Variants in C1QTNF1 observed in about 807,000 individuals in gnomAD.
The protein encoded by C1QTNF1 is C1q and TNF related 1, also known as complement C1q tumor necrosis factor-related protein 1.
In C1QTNF1, 22 loss-of-function variants were observed where a neutral mutation model predicts 27.8. The observed-to-expected ratio is 0.79, with a 90% CI of 0.56 to 1.13. The LOEUF is 1.13. C1QTNF1 is among the 50% of genes most tolerant of loss of function. The pLI, the probability that C1QTNF1 is intolerant of heterozygous loss-of-function variation, is 0.00. For synonymous variants in C1QTNF1, 166 were observed against 154.3 expected (o/e 1.08, Z -0.56); for missense variants, 373 against 380.2 (o/e 0.98, Z 0.16).
intron 1 of C1QTNF1, among the ~76,000 whole-genome samples, chr17:79,036,617 A>G (rs1744847424): frequency 6.6e-6 from 1 of 152,228 alleles, no homozygotes; most frequent in Admixed American, 6.5e-5. Context: ...CAGTTCTAGA[A>G]TGTTACCCAC....
intron 1 of C1QTNF1, among the ~76,000 whole-genome samples, chr17:79,038,198 C>G (rs1429763337): frequency 6.6e-6 from 1 of 152,070 alleles, no homozygotes; most frequent in African/African-American, 2.4e-5. Context: ...CCATGTTGGC[C>G]AGGCTGGTCT....
intron 1 of C1QTNF1, among the ~76,000 whole-genome samples, chr17:79,036,253 C>T (rs1281157883): frequency 6.6e-6 from 1 of 152,228 alleles, no homozygotes. Context: ...TGGCTCACTG[C>T]AGCCTCAACC....
chr17:79,033,063 T>A (rs2018872), intron 1 of C1QTNF1, among the ~76,000 whole-genome samples: 1 of 142,992 alleles, frequency 7.0e-6, no homozygotes, highest in Non-Finnish European at 1.5e-5. Context: ...AGCAAAACTC[T>A]GTCTCAAAAA....
chr17:79,037,345 G>A, intron 1 of C1QTNF1, among the ~76,000 whole-genome samples: 1 of 152,128 alleles, frequency 6.6e-6, no homozygotes, highest in Non-Finnish European at 1.5e-5. Flanking sequence ...GGCTAGGATG[G>A]TCTCCAATCT....
At position 79,047,979 on chromosome 17, in the gene C1QTNF1, T is replaced by C. The variant is rs2072643042; in HGVS notation, c.737T>C (p.Val246Ala). 1.2e-6 allele frequency: 2 copies of C among 1,613,366 alleles called. No homozygotes were observed. Among genetic ancestry groups the C allele is most frequent in the Non-Finnish European group, 1.7e-6 (2 of 1,179,988 alleles). ...LMLELREQDQVWVRLYKGERE... is the reference protein window; with the variant it reads ...LMLELREQDQAWVRLYKGERE... ...CTGGAGCTGCGAGAGCAGGACCAGG[T>C]GTGGGTACGCCTCTACAAGGGCGAA... The change falls in exon 4 of 4, where the codon GTG (valine) becomes GCG (alanine). Residue 246 changes from valine (V) to alanine (A), a missense_variant. Physicochemically the swap from Val to Ala is moderately conservative, Grantham distance 64. Transcript: ENST00000579760.
intron 1 of C1QTNF1, among the ~76,000 whole-genome samples, chr17:79,042,304 C>T (rs930302337): frequency 2.6e-5 from 4 of 152,242 alleles, no homozygotes; most frequent in African/African-American, 9.6e-5. Context: ...GGCAGGTGGG[C>T]GTTCGCCTAA....
intron 1 of C1QTNF1, among the ~76,000 whole-genome samples, chr17:79,041,230 C>A (rs1416613134): frequency 7.2e-5 from 11 of 152,106 alleles, no homozygotes; most frequent in African/African-American, 2.7e-4. Context: ...ATGGGAGGGA[C>A]AGCTGGCTGG....
At chr17:79,043,623 ATGTG>A (rs879083514) in intron 1 of C1QTNF1, 2 of 469,840 alleles carry the variant, frequency 4.3e-6, no homozygotes, top group Non-Finnish European at 8.4e-6. Context: ...GTGCATGTGA[ATGTG>A]TGGGTTGCAT....
At chr17:79,043,884 A>G (rs554121630) in intron 1 of C1QTNF1, 71 bp from the exon 2 acceptor site, 268 of 1,571,802 alleles carry the variant, frequency 1.7e-4, no homozygotes, top group Non-Finnish European at 2.1e-4. Context: ...TCTCTCCCCA[A>G]TTTTCAGGCT....
At chr17:79,035,303 C>T (rs534411203) in intron 1 of C1QTNF1, among the ~76,000 whole-genome samples, 19 of 152,152 alleles carry the variant, frequency 1.2e-4, no homozygotes, top group African/African-American at 3.4e-4. Context: ...CTCAGGGCTT[C>T]TCTTCTGGTT....
chr17:79,031,566 C>T (rs897535524), intron 1 of C1QTNF1, among the ~76,000 whole-genome samples: 5 of 152,226 alleles, frequency 3.3e-5, no homozygotes, highest in African/African-American at 1.2e-4. Flanking sequence ...CCTGCCTCAG[C>T]CTCCCGAGTA....
chr17:79,036,586 C>T (rs2072269827), intron 1 of C1QTNF1, among the ~76,000 whole-genome samples: 1 of 152,192 alleles, frequency 6.6e-6, no homozygotes, highest in South Asian at 2.1e-4. Flanking sequence ...CCACACATAA[C>T]AGCCACTGTA....
chr17:79,032,271 G>A lies in C1QTNF1; in HGVS notation c.-15+7777G>A, dbSNP rs556905341. 2.4e-4 allele frequency among the ~76,000 whole-genome samples: 36 copies of A among 152,296 alleles called. 1 individual carries two copies. In the South Asian group the frequency reaches 7.0e-3, roughly 30 times the overall value. On this transcript the variant is annotated intron_variant, in intron 1 of 3. Coordinates refer to ENST00000579760, the MANE Select transcript of C1QTNF1 (RefSeq NM_030968.5). ...CTCTGGAGAATACACGGATGGAGAA[G>A]GTGGAGGAGAAACAGGCATCCAGAC...
chr17:79,037,770 G>T (rs1200304927), intron 1 of C1QTNF1, among the ~76,000 whole-genome samples: 1 of 152,062 alleles, frequency 6.6e-6, no homozygotes, highest in African/African-American at 2.4e-5. Flanking sequence ...CTGGACTCAG[G>T]TGATCCTCCT....
chr17:79,028,972 G>A (rs138819826), intron 1 of C1QTNF1, among the ~76,000 whole-genome samples: 1 of 152,074 alleles, frequency 6.6e-6, no homozygotes, highest in Non-Finnish European at 1.5e-5. Flanking sequence ...TTAAACTCCG[G>A]TGGTGTATTT....
chr17:79,029,106 G>A (rs1454456119), intron 1 of C1QTNF1, among the ~76,000 whole-genome samples: 1 of 152,144 alleles, frequency 6.6e-6, no homozygotes, highest in East Asian at 1.9e-4. Flanking sequence ...ATCCTCTGTT[G>A]AATGATGAAT....
chr17:79,045,222 G>T (rs1294142644), intron 2 of C1QTNF1, among the ~76,000 whole-genome samples: 1 of 152,188 alleles, frequency 6.6e-6, no homozygotes, highest in Non-Finnish European at 1.5e-5. Flanking sequence ...CCAGAATGGG[G>T]TGTGCAAAGG....
In C1QTNF1 at chr17:79,046,154, C is replaced by G. The variant is rs1376776336; in HGVS notation, c.156-401C>G. 6.6e-6 allele frequency among the ~76,000 whole-genome samples: 1 copy of G among 152,180 alleles called. No individual in the cohort carries two copies. Among genetic ancestry groups the G allele is most frequent in the Non-Finnish European group, 1.5e-5 (1 of 68,032 alleles). Reference sequence around the variant, plus strand: ...TACAGCTGAGGGGAATCCTAAAGATCCAGTTGAACCTTCTTATTTGCAGAC... The same window carrying G: ...TACAGCTGAGGGGAATCCTAAAGATGCAGTTGAACCTTCTTATTTGCAGAC... On this transcript the variant is annotated intron_variant, in intron 2 of 3. Transcript: ENST00000579760. The surrounding 1 kb of genome is among the most constrained non-coding windows in gnomAD (Gnocchi z 4.8).
chr17:79,029,009 G>A (rs1482562522), intron 1 of C1QTNF1, among the ~76,000 whole-genome samples: 2 of 152,114 alleles, frequency 1.3e-5, no homozygotes, highest in African/African-American at 2.4e-5. Flanking sequence ...TGGCACCAGG[G>A]ATATCTTAGC....
Sources: allele counts gnomAD v4.1 joint callset (sites outside exome capture counted in the v4.1 genomes callset), GRCh38; gene constraint gnomAD v4.1.1; non-coding constraint Gnocchi (gnomAD v3.1); transcripts MANE v1.5; gene names NCBI Gene and HGNC (gene_info 2026-07-23, HGNC 2026-07-21).